Variants in GPR137C observed in about 807,000 individuals in gnomAD.
GPR137C encodes the protein integral membrane protein GPR137C.
Under a neutral mutation model 43.4 loss-of-function variants are expected in GPR137C, and 27 were observed. That is an observed-to-expected ratio of 0.62 (90% CI 0.46 to 0.86). The LOEUF (loss-of-function observed/expected upper bound fraction) is 0.86, where lower values mean the gene tolerates loss of function less well. Among genes scored for constraint, GPR137C ranks in the 40% least tolerant of loss-of-function variants. GPR137C has a pLI of 0.00. For synonymous variants in GPR137C, 285 were observed against 226.9 expected (o/e 1.26, Z -2.30); for missense variants, 522 against 534.6 (o/e 0.98, Z 0.23).
intron 1 of GPR137C, among the ~76,000 whole-genome samples, chr14:52,558,371 TA>T (rs2038227296): frequency 6.6e-6 from 1 of 152,144 alleles, no homozygotes; most frequent in Non-Finnish European, 1.5e-5. Context: ...CAGAGCTAGA[TA>T]GGGGGTACAA....
rs569372693 is a variant in GPR137C, at chr14:52,617,677, TCAAACAAA to T, written c.718-14466_718-14459del. ...CTGGGCAACAGAGCGAGAGTCCTTC[TCAAACAAA>T]CAAACAAACAAACAAAAAGATGGAA... On this transcript the variant is annotated intron_variant, in intron 3 of 6. Coordinates refer to ENST00000321662, the MANE Select transcript of GPR137C (RefSeq NM_001099652.2). Among the ~76,000 whole-genome samples, 252 of 152,164 alleles carry T rather than the reference TCAAACAAA, an allele frequency of 1.7e-3. 1 individual carries two copies. The highest frequency in any genetic ancestry group is 5.8e-3 in the African/African-American group (240 of 41,512).
intron 3 of GPR137C, among the ~76,000 whole-genome samples, chr14:52,607,997 T>G (rs1411396773): frequency 6.6e-6 from 1 of 152,232 alleles, no homozygotes; most frequent in Non-Finnish European, 1.5e-5. Flanking sequence ...CAGTGTATTG[T>G]GTCTTTACAG....
At chr14:52,577,941 G>A (rs2038587807) in intron 1 of GPR137C, among the ~76,000 whole-genome samples, 1 of 151,976 alleles carries the variant, frequency 6.6e-6, no homozygotes, top group Non-Finnish European at 1.5e-5. Context: ...TTCCAGCCTG[G>A]GTAACAGAAT....
chr14:52,600,526 A>G (rs1218413903), intron 3 of GPR137C, among the ~76,000 whole-genome samples, 185 bp downstream of exon 3: 1 of 152,192 alleles, frequency 6.6e-6, no homozygotes, highest in Admixed American at 6.5e-5. Flanking sequence ...ATCATTGTGC[A>G]GTACAGCCTT....
intron 1 of GPR137C, among the ~76,000 whole-genome samples, chr14:52,556,036 A>G (rs942544727): frequency 3.3e-5 from 5 of 152,178 alleles, no homozygotes; most frequent in African/African-American, 9.6e-5. Flanking sequence ...AGTTCTTCAT[A>G]TTATAGCAAA....
At chr14:52,591,671 T>C (rs1207084759) in intron 1 of GPR137C, among the ~76,000 whole-genome samples, 4 of 152,180 alleles carry the variant, frequency 2.6e-5, no homozygotes, top group African/African-American at 9.6e-5. Flanking sequence ...TTGATGGTGT[T>C]GTTTGTTTTT....
In GPR137C at chr14:52,635,302, G is replaced by A. The variant is rs116976791; in HGVS notation, c.*187G>A. On this transcript the variant is annotated 3_prime_UTR_variant, in exon 7 of 7. Coordinates refer to ENST00000321662, the MANE Select transcript of GPR137C (RefSeq NM_001099652.2). ...TCTTCATAGTAAAATGAAGTAAAAT[G>A]GAAAGTTTGGAGTAGGAGAAAAGAG... is the stretch of plus-strand genomic sequence containing the variant. 2,220 of 454,640 alleles carry A rather than the reference G, an allele frequency of 4.9e-3. 14 individuals carry two copies. The highest frequency in any genetic ancestry group is 6.1e-3 in the Non-Finnish European group (1,635 of 266,474). The allele number at this position is 454,640 out of a possible 1,614,324, so 28.2% of individuals were successfully genotyped here.
At chr14:52,588,969 G>T (rs1388303576) in intron 1 of GPR137C, among the ~76,000 whole-genome samples, 1 of 152,140 alleles carries the variant, frequency 6.6e-6, no homozygotes, top group African/African-American at 2.4e-5. Flanking sequence ...ATAGCCAAAA[G>T]GTAGAGGCTA....
chr14:52,553,655 C>T (rs1007517300), intron 1 of GPR137C, 64 bp downstream of exon 1: 1 of 1,248,068 alleles, frequency 8.0e-7, no homozygotes, highest in Non-Finnish European at 1.1e-6. Flanking sequence ...GATCAACTCC[C>T]GCTGAGGACC....
rs1257655513 is a variant in GPR137C at position 52,577,575 on chromosome 14, GACAA to G, written c.445-20691_445-20688del. Among the ~76,000 whole-genome samples the G allele has an allele frequency of 1.4e-4, 21 of 150,178 alleles. No homozygotes were observed. In the South Asian group the frequency reaches 2.5e-3, roughly 18 times the overall value. On this transcript the variant is annotated intron_variant, in intron 1 of 6. Coordinates refer to ENST00000321662, the MANE Select transcript of GPR137C (RefSeq NM_001099652.2). ...AAATGAAAAGTTGATTCTTGGCAAA[GACAA>G]ACAAAATTGGTAGGCAAACAAAAGA...
At chr14:52,619,068 T>C (rs1566623745) in intron 3 of GPR137C, among the ~76,000 whole-genome samples, 1 of 152,208 alleles carries the variant, frequency 6.6e-6, no homozygotes, top group East Asian at 1.9e-4. Flanking sequence ...AATTACTGTA[T>C]AAACCTTTCT....
chr14:52,563,307 C>T (rs1157074172), intron 1 of GPR137C, among the ~76,000 whole-genome samples: 4 of 152,154 alleles, frequency 2.6e-5, no homozygotes, highest in Admixed American at 6.5e-5. Flanking sequence ...CATCCACTTT[C>T]GTGACATCAT....
At chr14:52,602,588 C>T (rs760264269) in intron 3 of GPR137C, among the ~76,000 whole-genome samples, 65 of 152,196 alleles carry the variant, frequency 4.3e-4, no homozygotes, top group Admixed American at 2.9e-3. Context: ...TATCCAGGAA[C>T]GGCTTTCCTC....
chr14:52,608,167 C>CTCTTCCTT (rs2039002115), intron 3 of GPR137C, among the ~76,000 whole-genome samples: 1 of 152,202 alleles, frequency 6.6e-6, no homozygotes, highest in Admixed American at 6.5e-5. Flanking sequence ...TCTAACTCCT[C>CTCTTCCTT]TCTTCCTTTC....
intron 1 of GPR137C, among the ~76,000 whole-genome samples, chr14:52,588,125 A>G (rs1345557597): frequency 6.6e-6 from 1 of 152,152 alleles, no homozygotes; most frequent in African/African-American, 2.4e-5. Context: ...TACCACTTTA[A>G]CCAGTTGATT....
rs2038100162 is a variant in GPR137C at position 52,552,932 on chromosome 14, G to A, written c.-216G>A. ...GCTACGGAGCCGAGCCGCAGCAGGA[G>A]GAGCCGAGACCCCCGGGGGGTGGGG... On this transcript the variant is annotated 5_prime_UTR_variant, in exon 1 of 7. Transcript: ENST00000321662. 6.6e-6 allele frequency among the ~76,000 whole-genome samples: 1 copy of A among 151,904 alleles called. No homozygotes were observed. Among genetic ancestry groups the A allele is most frequent in the Non-Finnish European group, 1.5e-5 (1 of 67,908 alleles).
At chr14:52,602,376 T>G (rs2038937307) in intron 3 of GPR137C, among the ~76,000 whole-genome samples, 1 of 152,032 alleles carries the variant, frequency 6.6e-6, no homozygotes, top group Non-Finnish European at 1.5e-5. Flanking sequence ...ACTATCAAAC[T>G]GACCCTGTTT....
Position 52,553,415 on chromosome 14 carries a change from C to G in GPR137C, c.268C>G (p.Leu90Val), listed in dbSNP as rs1304425319. 2 of 1,608,824 alleles carry G rather than the reference C, an allele frequency of 1.2e-6. No homozygotes were observed. The highest frequency in any genetic ancestry group is 1.7e-6 in the Non-Finnish European group (2 of 1,179,790). ...SYQSLCLFLCLLWAALRTTLF... is the reference protein window; with the variant it reads ...SYQSLCLFLCVLWAALRTTLF... Reference sequence around the variant, plus strand: ...CCAGAGCCTCTGCCTCTTCCTCTGTCTCCTGTGGGCAGCGCTCAGGACCAC... The same window carrying G: ...CCAGAGCCTCTGCCTCTTCCTCTGTGTCCTGTGGGCAGCGCTCAGGACCAC... Residue 90 changes from leucine to valine, a missense_variant, in exon 1 of 7, where the codon CTC (leucine) becomes GTC (valine). By Grantham distance (32) the Leu-to-Val change is conservative. Around this residue, in one of 3 missense-constraint regions of GPR137C, gnomAD observed 437 missense variants for 425.7 expected, o/e 1.03. Coordinates refer to ENST00000321662, the MANE Select transcript of GPR137C (RefSeq NM_001099652.2).
At position 52,589,546 on chromosome 14, in the gene GPR137C, G is replaced by A. The variant is rs148649257; in HGVS notation, c.445-8726G>A. On this transcript the variant is annotated intron_variant, in intron 1 of 6. Transcript: ENST00000321662. The stretch of plus-strand genomic sequence containing the variant: ...TGTAATAATCCACTGTGATAGTGGA[G>A]ATGGCAAAAGTGGATGCATCTATGA... Among the ~76,000 whole-genome samples, 293 of 152,300 alleles carry A rather than the reference G, an allele frequency of 1.9e-3. 3 individuals are homozygous for A. Among genetic ancestry groups the A allele is most frequent in the Non-Finnish European group, 3.1e-3 (213 of 68,010 alleles).
Sources: allele counts gnomAD v4.1 joint callset (sites outside exome capture counted in the v4.1 genomes callset), GRCh38; gene constraint gnomAD v4.1.1; regional missense constraint gnomAD v4.1.1; transcripts MANE v1.5; gene names NCBI Gene and HGNC (gene_info 2026-07-23, HGNC 2026-07-21).